The following LDLRAD4 variants were observed in gnomAD, a reference collection of about 807,000 sequenced individuals.
LDLRAD4 encodes the protein low density lipoprotein receptor class A domain containing 4, also known as low-density lipoprotein receptor class A domain-containing protein 4.
Under a neutral mutation model 17.0 loss-of-function variants are expected in LDLRAD4, and 5 were observed. The ratio of observed to expected loss-of-function variants is 0.29; its 90% CI spans 0.15 to 0.62. The LOEUF (loss-of-function observed/expected upper bound fraction) is 0.62, where lower values mean the gene tolerates loss of function less well. LDLRAD4 is among the 20% of genes least tolerant of loss of function. The pLI, the probability that LDLRAD4 is intolerant of heterozygous loss-of-function variation, is 0.84. For missense variants in LDLRAD4, 340 were observed against 424.7 expected, an observed-to-expected ratio of 0.80 and a Z score of 1.75; for synonymous variants, 168 against 171.8, an observed-to-expected ratio of 0.98 and a Z score of 0.17.
chr18:13,414,296 C>A (rs896197344), intron 2 of LDLRAD4, among the ~76,000 whole-genome samples: 1 of 152,248 alleles, frequency 6.6e-6, no homozygotes, highest in African/African-American at 2.4e-5. Context: ...CACATGACCT[C>A]TTGGAGCCCG....
chr18:13,236,788 A>G (rs2042361605), intron 1 of LDLRAD4, among the ~76,000 whole-genome samples: 1 of 152,118 alleles, frequency 6.6e-6, no homozygotes. Context: ...CACAGTTGGA[A>G]TTAATTTTCT....
rs979530343 is a variant in LDLRAD4 at position 13,248,312 on chromosome 18, G to C, written c.-467+29324G>C. ...TGTAAGAGCTGGACTAAAACAAAATGTCTGACAGAAGAAAAACTACCTTAT... is the reference window on the plus strand; with the variant it reads ...TGTAAGAGCTGGACTAAAACAAAATCTCTGACAGAAGAAAAACTACCTTAT... On this transcript the variant is annotated intron_variant, in intron 1 of 5. Coordinates refer to the LDLRAD4 transcript ENST00000399848. Among the ~76,000 whole-genome samples the C allele has an allele frequency of 3.3e-5, 5 of 152,232 alleles. No individual in the cohort carries two copies. In the East Asian group the frequency reaches 9.6e-4, roughly 29 times the overall value.
rs530822046 is a variant in LDLRAD4, at chr18:13,550,626, C to T, written c.182-70491C>T. Among the ~76,000 whole-genome samples, 25 of 152,352 alleles carry T rather than the reference C, an allele frequency of 1.6e-4. No homozygotes were observed. In the South Asian group the frequency reaches 3.7e-3, roughly 23 times the overall value. On this transcript the variant is annotated intron_variant, in intron 3 of 5. Coordinates refer to ENST00000359446, the Ensembl canonical transcript of LDLRAD4. ...ATGCCATCAAGACGATGAGTCCCGC[C>T]GAGCAGCCTTCCACAGTGGGTTTAG... is the stretch of plus-strand genomic sequence containing the variant.
At chr18:13,350,583 C>T (rs1004709141) in intron 1 of LDLRAD4, among the ~76,000 whole-genome samples, 7 of 152,148 alleles carry the variant, frequency 4.6e-5, no homozygotes, top group Non-Finnish European at 7.3e-5. Flanking sequence ...TGTAGGTTGC[C>T]TGTTCACTCT....
chr18:13,550,783 G>A (rs989078204), intron 3 of LDLRAD4, among the ~76,000 whole-genome samples: 2 of 152,218 alleles, frequency 1.3e-5, no homozygotes, highest in African/African-American at 4.8e-5. Flanking sequence ...GAGACTCCAA[G>A]TCCGAGTCCC....
intron 3 of LDLRAD4, among the ~76,000 whole-genome samples, chr18:13,558,544 C>CAGCACT (rs2094507530): frequency 6.6e-6 from 1 of 152,198 alleles, no homozygotes; most frequent in Admixed American, 6.5e-5. Flanking sequence ...GAAGAATTGG[C>CAGCACT]AGCACTTGCT....
chr18:13,586,500 C>G (rs188509998), intron 3 of LDLRAD4, among the ~76,000 whole-genome samples: 1 of 151,492 alleles, frequency 6.6e-6, no homozygotes, highest in African/African-American at 2.4e-5. Flanking sequence ...CAAGTGAAGT[C>G]AGATTATGAC....
In LDLRAD4 at chr18:13,597,343, T is replaced by G. The variant is rs147214026; in HGVS notation, c.182-23774T>G. Among the ~76,000 whole-genome samples, 368 of 152,328 alleles carry G rather than the reference T, an allele frequency of 2.4e-3. 10 individuals are homozygous for G. In the East Asian group the frequency reaches 0.057, roughly 24 times the overall value. ...AGTCATTTGTCTGTTACTATTTTCC[T>G]TGGTTTGGCTGTCAGCATTTTTACC... On this transcript the variant is annotated intron_variant, in intron 3 of 5. Coordinates refer to ENST00000359446, the Ensembl canonical transcript of LDLRAD4.
At chr18:13,364,845 G>A (rs2083938842) in intron 1 of LDLRAD4, among the ~76,000 whole-genome samples, 1 of 152,212 alleles carries the variant, frequency 6.6e-6, no homozygotes, top group African/African-American at 2.4e-5. Flanking sequence ...AAGCAGGCAG[G>A]AAAGGTTCAG....
chr18:13,418,305 G>A (rs1036482670), intron 2 of LDLRAD4, among the ~76,000 whole-genome samples: 1 of 152,222 alleles, frequency 6.6e-6, no homozygotes, highest in African/African-American at 2.4e-5. Context: ...CTGGCTGGGC[G>A]CCATCCTTAT....
chr18:13,228,109 T>C (rs1185090952), intron 1 of LDLRAD4, among the ~76,000 whole-genome samples: 2 of 152,166 alleles, frequency 1.3e-5, no homozygotes, highest in East Asian at 3.9e-4. Context: ...CCACACTCTG[T>C]CCCAGGTGCA....
At chr18:13,292,798 C>T (rs538283673) in intron 1 of LDLRAD4, among the ~76,000 whole-genome samples, 12 of 152,324 alleles carry the variant, frequency 7.9e-5, no homozygotes, top group African/African-American at 2.9e-4. Context: ...GGGAGATCAA[C>T]ACTCCTGATA....
intron 3 of LDLRAD4, among the ~76,000 whole-genome samples, chr18:13,606,494 A>G (rs973859338): frequency 6.6e-6 from 1 of 152,168 alleles, no homozygotes; most frequent in Non-Finnish European, 1.5e-5. Flanking sequence ...ACACTTTTAT[A>G]TTTGTTAACA....
intron 1 of LDLRAD4, among the ~76,000 whole-genome samples, chr18:13,340,450 G>A (rs1358576324): frequency 6.6e-6 from 1 of 151,924 alleles, no homozygotes; most frequent in South Asian, 2.1e-4. Context: ...AAGTAGCCAC[G>A]TTAATATGTT....
At chr18:13,390,559 G>T (rs1053139985) in intron 2 of LDLRAD4, among the ~76,000 whole-genome samples, 3 of 152,110 alleles carry the variant, frequency 2.0e-5, no homozygotes, top group Non-Finnish European at 4.4e-5. Context: ...AAGATCCTAG[G>T]TGCTTGGCTC....
chr18:13,612,904 A>G, intron 3 of LDLRAD4: 2 of 1,030,434 alleles, frequency 1.9e-6, no homozygotes, highest in Non-Finnish European at 2.9e-6. Context: ...CTTTCTACCT[A>G]AGAGGGGTCT....
At chr18:13,456,704 C>T (rs527672251) in intron 3 of LDLRAD4, among the ~76,000 whole-genome samples, 1 of 152,256 alleles carries the variant, frequency 6.6e-6, no homozygotes, top group South Asian at 2.1e-4. Context: ...AATAAGTTTG[C>T]TTTTTAAAAG....
At chr18:13,532,335 C>T (rs139767595) in intron 3 of LDLRAD4, among the ~76,000 whole-genome samples, 45 of 152,292 alleles carry the variant, frequency 3.0e-4, no homozygotes, top group African/African-American at 8.4e-4. Context: ...GCTGAAACTT[C>T]GGTGGTAGTA....
At chr18:13,425,633 C>T (rs917836998) in intron 2 of LDLRAD4, among the ~76,000 whole-genome samples, 1 of 152,190 alleles carries the variant, frequency 6.6e-6, no homozygotes, top group Non-Finnish European at 1.5e-5. Flanking sequence ...TTAATGATGA[C>T]AGAATGGGAC....
Sources: gnomAD v4.1 joint callset for allele counts (sites outside exome capture counted in the v4.1 genomes callset) on GRCh38, gnomAD v4.1.1 for gene constraint, MANE v1.5 for transcripts, NCBI Gene and HGNC (gene_info 2026-07-23, HGNC 2026-07-21) for gene names.